INSR: variants seen among roughly 807,000 people sequenced by gnomAD.
INSR encodes insulin receptor.
INSR carries 67 observed loss-of-function variants against 142.6 expected under a neutral mutation model. The observed-to-expected ratio is 0.47, with a 90% CI of 0.39 to 0.58. The LOEUF (loss-of-function observed/expected upper bound fraction) is 0.58, where lower values mean the gene tolerates loss of function less well. Among genes scored for constraint, INSR ranks in the 20% least tolerant of loss-of-function variants. The pLI, the probability that INSR is intolerant of heterozygous loss-of-function variation, is 0.00. For synonymous variants in INSR, 756 were observed against 743.1 expected, an observed-to-expected ratio of 1.02 and a Z score of -0.28; for missense variants, 1,248 against 1,833.2, an observed-to-expected ratio of 0.68 and a Z score of 5.83.
Position 7,150,149 on chromosome 19 carries a change from C to T in INSR, c.2267+348G>A, listed in dbSNP as rs1172814910. 1.3e-5 allele frequency among the ~76,000 whole-genome samples: 2 copies of T among 152,076 alleles called. No individual in the cohort carries two copies. Among genetic ancestry groups the T allele is most frequent in the African/African-American group, 4.8e-5 (2 of 41,416 alleles). The stretch of plus-strand genomic sequence containing the variant: ...ACCCAGCCGCGGGGAGCTCAGACTC[C>T]GGGGACCCCCACCCACCTCTGCAAA... On this transcript the variant is annotated intron_variant, in intron 11 of 21. Transcript: ENST00000302850. This position sits in a 1 kb window ranked among gnomAD's most constrained non-coding sequence, Gnocchi z 4.2.
At position 7,187,792 on chromosome 19, in the gene INSR, C is replaced by A. The variant is rs951551746; in HGVS notation, c.653-3155G>T. Among the ~76,000 whole-genome samples the A allele has an allele frequency of 3.3e-5, 5 of 151,788 alleles. No individual in the cohort carries two copies. The East Asian group carries it at 9.7e-4, about 29-fold the overall frequency. Reference sequence around the variant, plus strand: ...CTCACTATGTTGCCCAGGCTGGTCTCGAACTCCTGGCTCAAGCGATCCTCC... The same window carrying A: ...CTCACTATGTTGCCCAGGCTGGTCTAGAACTCCTGGCTCAAGCGATCCTCC... On this transcript the variant is annotated intron_variant, in intron 2 of 21. Transcript: ENST00000302850.
chr19:7,178,316 T>G (rs1462808476), intron 3 of INSR, among the ~76,000 whole-genome samples: 1 of 147,968 alleles, frequency 6.8e-6, no homozygotes, highest in African/African-American at 2.5e-5. Flanking sequence ...GATCAGAGGG[T>G]TGGGGCTTTT....
rs979757589 is a variant in INSR at position 7,141,690 on chromosome 19, C to T, written c.2669G>A (p.Arg890Gln). 5.0e-6 allele frequency: 8 copies of T among 1,614,082 alleles called. No individual in the cohort carries two copies. The highest frequency in any genetic ancestry group is 1.7e-5 in the Admixed American group (1 of 59,996). The change falls in exon 13 of 22, where the codon CGA becomes CAA. Residue 890 changes from arginine (R) to glutamine (Q), a missense_variant. By Grantham distance (43) the Arg-to-Gln change is conservative (BLOSUM62 1). This residue lies in a region of INSR where 1,069 missense variants were observed against 1,654.0 expected (regional missense o/e 0.65). Coordinates refer to ENST00000302850, the MANE Select transcript of INSR (RefSeq NM_000208.4). The part of the protein sequence containing the change: ...LIVLYEVSYR[R>Q]YGDEELHLCV... ...CAAGGGCCTTACCTCATCACCATAT[C>T]GCCGATAACTCACTTCATACAGCAC...
In INSR at chr19:7,150,003, C is replaced by T. The variant is rs2144881289; in HGVS notation, c.2267+494G>A. On this transcript the variant is annotated intron_variant, in intron 11 of 21. Coordinates refer to ENST00000302850, the MANE Select transcript of INSR (RefSeq NM_000208.4). The surrounding 1 kb of genome is among the most constrained non-coding windows in gnomAD (Gnocchi z 4.2). ...AAGGAAGGAAGAGATCCCTGACTCT[C>T]CTCCGTGGAATTCAGTGAGCGACAC... 6.6e-6 allele frequency among the ~76,000 whole-genome samples: 1 copy of T among 150,768 alleles called. No homozygotes were observed. Among genetic ancestry groups the T allele is most frequent in the Admixed American group, 6.6e-5 (1 of 15,224 alleles).
chr19:7,222,365 C>T (rs1188543581), intron 2 of INSR, among the ~76,000 whole-genome samples: 3 of 151,870 alleles, frequency 2.0e-5, no homozygotes, highest in Admixed American at 1.3e-4. Context: ...ACATGTGTCC[C>T]GTACACCCAG....
intron 1 of INSR, among the ~76,000 whole-genome samples, chr19:7,283,661 A>G (rs768058140): frequency 6.6e-6 from 1 of 152,116 alleles, no homozygotes; most frequent in Non-Finnish European, 1.5e-5. Flanking sequence ...GCTGGTCTCG[A>G]ACTCACCACC....
At chr19:7,251,556 C>T (rs549542720) in intron 2 of INSR, among the ~76,000 whole-genome samples, 18 of 149,150 alleles carry the variant, frequency 1.2e-4, no homozygotes, top group African/African-American at 3.2e-4. Context: ...CCACCATGCC[C>T]GGCCATCAAT....
At chr19:7,290,163 G>A (rs781101943) in intron 1 of INSR, among the ~76,000 whole-genome samples, 34 of 152,160 alleles carry the variant, frequency 2.2e-4, no homozygotes, top group African/African-American at 3.9e-4. Context: ...CCAGCACTTC[G>A]GGAGGCCAAG....
chr19:7,195,527 C>T lies in INSR; in HGVS notation c.653-10890G>A, dbSNP rs148345201. 1.7e-4 allele frequency among the ~76,000 whole-genome samples: 26 copies of T among 152,080 alleles called. No homozygotes were observed. The East Asian group carries it at 4.8e-3, about 28-fold the overall frequency. ...GTGTGGTGGCGCATGCCTGTAATCC[C>T]GGCTACTTGGGGGCTGAGGCAGGAG... On this transcript the variant is annotated intron_variant, in intron 2 of 21. Transcript: ENST00000302850.
chr19:7,118,691 G>C (rs1460777729), intron 21 of INSR, among the ~76,000 whole-genome samples: 1 of 151,306 alleles, frequency 6.6e-6, no homozygotes, highest in Non-Finnish European at 1.5e-5. Context: ...AGCCAAGGTG[G>C]GTGGATCACG....
At chr19:7,127,443 AATAC>A (rs1315776743) in intron 15 of INSR, among the ~76,000 whole-genome samples, 3 of 152,216 alleles carry the variant, frequency 2.0e-5, no homozygotes, top group African/African-American at 7.2e-5. Context: ...AAGCAAAGAC[AATAC>A]ATGTTCAAAA....
chr19:7,218,301 CAG>C lies in INSR; in HGVS notation c.653-33666_653-33665del, dbSNP rs138043521. ...CTAAAATGCCCAGGACAGCTGCCAC[CAG>C]AGAGATAATCCAGCTCCAAATGTCC... On this transcript the variant is annotated intron_variant, in intron 2 of 21. Transcript: ENST00000302850. Among the ~76,000 whole-genome samples, 240 of 151,974 alleles carry C rather than the reference CAG, an allele frequency of 1.6e-3. 7 individuals carry two copies. In the East Asian group the frequency reaches 0.041, roughly 26 times the overall value.
chr19:7,181,150 T>C (rs1025701536), intron 3 of INSR, among the ~76,000 whole-genome samples: 3 of 152,150 alleles, frequency 2.0e-5, no homozygotes, highest in African/African-American at 7.2e-5. Flanking sequence ...TTCACCATGT[T>C]GGTCAGGCTG....
At chr19:7,200,620 C>T (rs1234531242) in intron 2 of INSR, among the ~76,000 whole-genome samples, 3 of 151,896 alleles carry the variant, frequency 2.0e-5, no homozygotes, top group Non-Finnish European at 2.9e-5. Flanking sequence ...AGGAGGATTG[C>T]TTGAGCCTAG....
chr19:7,252,834 A>C (rs1297990278), intron 2 of INSR, among the ~76,000 whole-genome samples: 1 of 152,134 alleles, frequency 6.6e-6, no homozygotes, highest in African/African-American at 2.4e-5. Context: ...AAGAAGCCAC[A>C]GCCAGGCGCG....
intron 2 of INSR, among the ~76,000 whole-genome samples, chr19:7,211,996 A>C (rs2145075456): frequency 6.6e-6 from 1 of 152,158 alleles, no homozygotes; most frequent in Admixed American, 6.5e-5. Flanking sequence ...TGTTATCTTA[A>C]AGTAGGGTTT....
chr19:7,238,920 G>A (rs1168310881), intron 2 of INSR, among the ~76,000 whole-genome samples: 2 of 121,640 alleles, frequency 1.6e-5, no homozygotes, highest in Non-Finnish European at 3.1e-5. Flanking sequence ...ACAATGGCCA[G>A]AAGGCGGAAA....
At chr19:7,197,974 C>CCCCATGGTGGGAGTGTGTGTGTG (rs1974831036) in intron 2 of INSR, among the ~76,000 whole-genome samples, 1 of 136,332 alleles carries the variant, frequency 7.3e-6, no homozygotes, top group Non-Finnish European at 1.5e-5. Context: ...GTGTGTGTGT[C>CCCCATGGTGGGAGTGTGTGTGTG]CCCATGGTGG....
Position 7,132,042 on chromosome 19 carries a change from T to C in INSR, c.2842+116A>G. 3.9e-6 allele frequency: 5 copies of C among 1,295,246 alleles called. No homozygotes were observed. In the South Asian group the frequency reaches 5.9e-5, roughly 15 times the overall value. The allele number at this position is 1,295,246 out of a possible 1,614,324, so 80.2% of individuals were successfully genotyped here. On this transcript the variant is annotated intron_variant, in intron 14 of 21. Transcript: ENST00000302850. Reference sequence around the variant, plus strand: ...CAAGCACCGCAGCAGCTGATAGGCCTGAGAGTCAAGGCCAGGGCCAGCACC... The same window carrying C: ...CAAGCACCGCAGCAGCTGATAGGCCCGAGAGTCAAGGCCAGGGCCAGCACC...
Sources: allele counts gnomAD v4.1 joint callset (sites outside exome capture counted in the v4.1 genomes callset), GRCh38; gene constraint gnomAD v4.1.1; regional missense constraint gnomAD v4.1.1; non-coding constraint Gnocchi (gnomAD v3.1); transcripts MANE v1.5; gene names NCBI Gene and HGNC (gene_info 2026-07-23, HGNC 2026-07-21).